The following IL1RAPL2 variants were observed in gnomAD, a reference collection of about 807,000 sequenced individuals.
IL1RAPL2 encodes X-linked interleukin-1 receptor accessory protein-like 2.
Under a neutral mutation model 44.1 loss-of-function variants are expected in IL1RAPL2, and 3 were observed. The observed-to-expected ratio is 0.07, with a 90% confidence interval of 0.03 to 0.18. The LOEUF is 0.18. Ranked by LOEUF, IL1RAPL2 falls within the 10% of genes least tolerant of loss-of-function variation. The probability of loss-of-function intolerance (pLI) is 1.00; values close to 1 mark genes in which losing one functional copy is unlikely to be tolerated. For synonymous variants in IL1RAPL2, 181 were observed against 178.8 expected, an observed-to-expected ratio of 1.01 and a Z score of -0.10; for missense variants, 391 against 496.4, an observed-to-expected ratio of 0.79 and a Z score of 2.02.
At chrX:105,620,960 C>G (rs2037415256) in intron 6 of IL1RAPL2, among the ~76,000 whole-genome samples, 1 of 111,105 alleles carries the variant, frequency 9.0e-6, no homozygotes, top group Non-Finnish European at 1.9e-5. Context: ...GACCCATGGC[C>G]TTGGCTTCTG....
At chrX:105,590,741 C>T (rs1216279149) in intron 6 of IL1RAPL2, among the ~76,000 whole-genome samples, 1 of 109,772 alleles carries the variant, frequency 9.1e-6, no homozygotes, top group East Asian at 2.9e-4. Flanking sequence ...TTTTCATGTG[C>T]TATACTGGAT....
intron 3 of IL1RAPL2, among the ~76,000 whole-genome samples, chrX:105,216,099 G>A (rs1245804794): frequency 9.0e-6 from 1 of 111,361 alleles, no homozygotes; most frequent in Non-Finnish European, 1.9e-5. Context: ...AGTGTTGGAA[G>A]TTCTGGCCAG....
intron 5 of IL1RAPL2, among the ~76,000 whole-genome samples, chrX:105,453,503 G>T (rs1317639300): frequency 9.0e-6 from 1 of 111,361 alleles, no homozygotes; most frequent in Admixed American, 9.5e-5. Context: ...AAATCACATG[G>T]TATACCCAAA....
At chrX:105,285,486 T>C in intron 5 of IL1RAPL2, among the ~76,000 whole-genome samples, 1 of 112,037 alleles carries the variant, frequency 8.9e-6, no homozygotes, top group Non-Finnish European at 1.9e-5. Flanking sequence ...GCCAGTAATA[T>C]TTTCAAACTA....
intron 2 of IL1RAPL2, among the ~76,000 whole-genome samples, chrX:104,973,943 T>C (rs992415398): frequency 8.9e-6 from 1 of 112,277 alleles, no homozygotes; most frequent in Non-Finnish European, 1.9e-5. Flanking sequence ...ATCTCTCTTT[T>C]TTACACATTT....
intron 2 of IL1RAPL2, among the ~76,000 whole-genome samples, chrX:105,028,851 C>T (rs995240916): frequency 1.8e-5 from 2 of 110,816 alleles, no homozygotes; most frequent in African/African-American, 6.5e-5. Flanking sequence ...AAGTCCAGAA[C>T]GTTAGAGAAG....
chrX:104,900,323 C>T (rs1181852176), intron 2 of IL1RAPL2, among the ~76,000 whole-genome samples: 2 of 111,059 alleles, frequency 1.8e-5, no homozygotes, highest in Admixed American at 9.7e-5. Context: ...ACCTGGCATA[C>T]GGGATCAGAT....
intron 2 of IL1RAPL2, among the ~76,000 whole-genome samples, chrX:104,950,697 TTG>T (rs1476822484): frequency 3.1e-5 from 3 of 97,234 alleles, no homozygotes; most frequent in Non-Finnish European, 4.1e-5. Context: ...GTTTGTTTGT[TTG>T]TTTGTTTTTG....
chrX:105,353,839 C>T (rs776077283), intron 5 of IL1RAPL2, among the ~76,000 whole-genome samples: 13 of 111,314 alleles, frequency 1.2e-4, no homozygotes, highest in Non-Finnish European at 2.3e-4. Flanking sequence ...TGGGCTGAGG[C>T]GATGGGGTTT....
intron 6 of IL1RAPL2, among the ~76,000 whole-genome samples, chrX:105,631,971 T>G (rs772527981): frequency 9.0e-6 from 1 of 111,046 alleles, no homozygotes; most frequent in African/African-American, 3.3e-5. Flanking sequence ...CCCCCTCCTC[T>G]TTTGTATCTT....
At chrX:105,463,883 T>A (rs1046640177) in intron 5 of IL1RAPL2, among the ~76,000 whole-genome samples, 1 of 112,483 alleles carries the variant, frequency 8.9e-6, no homozygotes, top group Non-Finnish European at 1.9e-5. Flanking sequence ...ATTCTAGTAC[T>A]TGGCATATCC....
intron 2 of IL1RAPL2, among the ~76,000 whole-genome samples, chrX:105,055,123 G>T (rs974714752): frequency 8.9e-6 from 1 of 112,103 alleles, no homozygotes; most frequent in Non-Finnish European, 1.9e-5. Context: ...ACAAACAACA[G>T]AAATTTTTTC....
At chrX:104,750,228 T>C (rs1932236351) in intron 2 of IL1RAPL2, among the ~76,000 whole-genome samples, 1 of 111,334 alleles carries the variant, frequency 9.0e-6, no homozygotes, top group Non-Finnish European at 1.9e-5. Flanking sequence ...CATGATGTCA[T>C]TGAGATAAAA....
At chrX:105,756,569 C>T (rs988453800) in intron 10 of IL1RAPL2, among the ~76,000 whole-genome samples, 2 of 111,697 alleles carry the variant, frequency 1.8e-5, no homozygotes, top group Non-Finnish European at 1.9e-5. Flanking sequence ...GATGTGTGCA[C>T]GTTAGTATGC....
intron 1 of IL1RAPL2, among the ~76,000 whole-genome samples, chrX:104,611,628 G>A (rs917608506): frequency 1.8e-5 from 2 of 109,681 alleles, no homozygotes; most frequent in African/African-American, 6.6e-5. Context: ...ACAAGGTCAG[G>A]AGATCCAGAC....
intron 6 of IL1RAPL2, among the ~76,000 whole-genome samples, chrX:105,638,993 C>T (rs1439033285): frequency 8.9e-6 from 1 of 111,739 alleles, no homozygotes; most frequent in East Asian, 2.8e-4. Flanking sequence ...TCTTAACTGG[C>T]ACATAGAATG....
chrX:105,296,424 G>C (rs772291223), intron 5 of IL1RAPL2, among the ~76,000 whole-genome samples: 1 of 111,646 alleles, frequency 9.0e-6, no homozygotes, highest in South Asian at 3.8e-4. Context: ...TATTAGTTGG[G>C]TTTATTCCCT....
rs1556177742 is a variant in IL1RAPL2 at position 105,219,803 on chromosome X, C to T, written c.357-14015C>T. On this transcript the variant is annotated intron_variant, in intron 3 of 10. Transcript: ENST00000372582. ...GCTGAGGTGTGTTCTGGGGGCAAGG[C>T]GGGAGCACTAAGCAGGGTAGGACGG... is the stretch of plus-strand genomic sequence containing the variant. The T allele has an allele frequency of 5.3e-6, 6 of 1,139,106 alleles. No individual in the cohort carries two copies. The African/African-American group carries it at 5.5e-5, about 10-fold the overall frequency. 93.9% of individuals were successfully genotyped at this position (1,139,106 alleles called of 1,213,427 possible). A position where few individuals can be genotyped will look rare whatever the true frequency, so the allele number is the denominator to read the frequency against.
chrX:104,939,919 A>C (rs897949903), intron 2 of IL1RAPL2, among the ~76,000 whole-genome samples: 1 of 111,831 alleles, frequency 8.9e-6, no homozygotes, highest in African/African-American at 3.2e-5. Flanking sequence ...AAGTAAATTC[A>C]TAGTCTTTTA....
Sources: allele counts gnomAD v4.1 joint callset (sites outside exome capture counted in the v4.1 genomes callset), GRCh38; gene constraint gnomAD v4.1.1; transcripts MANE v1.5; gene names NCBI Gene and HGNC (gene_info 2026-07-23, HGNC 2026-07-21).